The following KIAA1755 variants were observed in gnomAD, a reference collection of about 807,000 sequenced individuals.
KIAA1755 encodes the protein KIAA1755, also known as uncharacterized protein KIAA1755.
KIAA1755 carries 68 observed loss-of-function variants against 91.7 expected under a neutral mutation model. The observed-to-expected ratio is 0.74, with a 90% confidence interval of 0.61 to 0.91. The LOEUF is 0.91. Ranked by LOEUF, KIAA1755 falls within the 40% of genes least tolerant of loss-of-function variation. KIAA1755 has a pLI of 0.00. For synonymous variants in KIAA1755, 610 were observed against 604.6 expected (o/e 1.01, Z -0.13); for missense variants, 1,535 against 1,494.4 (o/e 1.03, Z -0.45).
chr20:38,259,799 G>A (rs986616116), intron 1 of KIAA1755, among the ~76,000 whole-genome samples: 6 of 137,182 alleles, frequency 4.4e-5, no homozygotes, highest in African/African-American at 1.8e-4. Context: ...TGGCACAAAC[G>A]CATCCCTGCC....
At position 38,217,394 on chromosome 20, in the gene KIAA1755, T is replaced by C; in HGVS notation, c.2760A>G (p.Glu920=). 3 of 1,613,508 alleles carry C rather than the reference T, an allele frequency of 1.9e-6. No individual in the cohort carries two copies. The highest frequency in any genetic ancestry group is 2.5e-6 in the Non-Finnish European group (3 of 1,179,810). Residue 920 remains glutamate (E), a synonymous_variant, in exon 13 of 14, where the codon GAA becomes GAG. Transcript: ENST00000279024. ...GATARGAGEA[E]RAEFPELAAF... is the part of the protein sequence containing the mutation. Reference sequence around the variant, plus strand: ...CTGCCAGCTCTGGGAACTCTGCACGTTCTGCCTCCCCAGCCCCTCTGGCTG... The same window carrying C: ...CTGCCAGCTCTGGGAACTCTGCACGCTCTGCCTCCCCAGCCCCTCTGGCTG...
intron 4 of KIAA1755, among the ~76,000 whole-genome samples, chr20:38,234,958 A>G (rs2075932876): frequency 6.6e-6 from 1 of 152,218 alleles, no homozygotes; most frequent in Non-Finnish European, 1.5e-5. Flanking sequence ...TGTGAGCCTC[A>G]GGTGAAAATG....
intron 12 of KIAA1755, 123 bp from the exon 13 acceptor site, chr20:38,217,597 C>T: frequency 3.0e-6 from 2 of 670,822 alleles, no homozygotes; most frequent in Admixed American, 5.3e-5. Flanking sequence ...TCAGTTTCCT[C>T]ATCTGTAGAA....
chr20:38,257,465 C>T (rs1209682388), intron 1 of KIAA1755, among the ~76,000 whole-genome samples: 3 of 151,816 alleles, frequency 2.0e-5, no homozygotes, highest in South Asian at 4.1e-4. Flanking sequence ...CCTATAGTCC[C>T]AGCTACGCAG....
At chr20:38,250,278 C>G (rs1568777333) in intron 1 of KIAA1755, among the ~76,000 whole-genome samples, 1 of 152,124 alleles carries the variant, frequency 6.6e-6, no homozygotes, top group African/African-American at 2.4e-5. Context: ...GTGTACCTGG[C>G]AAGTCAGATT....
chr20:38,239,450 C>T, intron 4 of KIAA1755, 78 bp downstream of exon 4: 2 of 1,342,892 alleles, frequency 1.5e-6, no homozygotes, highest in Non-Finnish European at 2.1e-6. Context: ...CCTGCCTCCC[C>T]TCCACCCAAC....
chr20:38,218,198 C>A, intron 12 of KIAA1755, 46 bp downstream of exon 12: 1 of 1,612,590 alleles, frequency 6.2e-7, no homozygotes, highest in Non-Finnish European at 8.5e-7. Flanking sequence ...CCTCTAACGC[C>A]CTCTCCATCT....
In KIAA1755 at chr20:38,230,715, G is replaced by A. The variant is rs1381825814; in HGVS notation, c.1871+487C>T. Among the ~76,000 whole-genome samples the A allele has an allele frequency of 2.0e-5, 3 of 152,038 alleles. No homozygotes were observed. In the East Asian group the frequency reaches 5.8e-4, roughly 29 times the overall value. On this transcript the variant is annotated intron_variant, in intron 5 of 13. Coordinates refer to ENST00000279024, the MANE Select transcript of KIAA1755 (RefSeq NM_001029864.2). ...ACCAGCCTGACCAACATGGAAAAAT[G>A]CGGTCTCTACTAAAAATACAAAATT...
In KIAA1755 at chr20:38,240,951, C is replaced by T. The variant is rs371537592; in HGVS notation, c.1180G>A (p.Glu394Lys). The T allele has an allele frequency of 2.0e-5, 33 of 1,614,096 alleles. No individual in the cohort carries two copies. The highest frequency in any genetic ancestry group is 4.5e-5 in the East Asian group (2 of 44,882). Residue 394 changes from glutamate (E) to lysine (K), a missense_variant, in exon 3 of 14, where the codon GAG becomes AAG. Transcript: ENST00000279024. The part of the protein sequence containing the change: ...ASGLRAGVSQ[E>K]PAASKMQGPL... ...CCCTGCATCTTGGAGGCAGCTGGCT[C>T]TTGTGAGACACCTGCCCTGAGACCA... is the stretch of plus-strand genomic sequence containing the variant.
chr20:38,246,355 T>C (rs139602397), intron 1 of KIAA1755, among the ~76,000 whole-genome samples: 72 of 152,060 alleles, frequency 4.7e-4, no homozygotes, highest in African/African-American at 1.7e-3. Context: ...CTGTTCCCTC[T>C]GCCTAGAATG....
At chr20:38,242,781 G>A (rs568342384) in intron 2 of KIAA1755, among the ~76,000 whole-genome samples, 2 of 152,130 alleles carry the variant, frequency 1.3e-5, no homozygotes, top group South Asian at 4.2e-4. Context: ...GTTATTCTGG[G>A]CCTGAATGTT....
intron 4 of KIAA1755, among the ~76,000 whole-genome samples, chr20:38,237,366 C>A (rs918192556): frequency 6.6e-6 from 1 of 151,992 alleles, no homozygotes; most frequent in Non-Finnish European, 1.5e-5. Context: ...AATTAGCCTG[C>A]ACAATTGTGT....
At chr20:38,222,624 G>T (rs528455251) in intron 9 of KIAA1755, 27 bp from the exon 10 acceptor site, 24 of 1,607,618 alleles carry the variant, frequency 1.5e-5, no homozygotes, top group Non-Finnish European at 2.0e-5. Context: ...GTGCCCTGAG[G>T]CCCCATCCCC....
intron 4 of KIAA1755, 62 bp from the exon 5 acceptor site, chr20:38,231,387 C>T (rs2075861573): frequency 2.0e-6 from 3 of 1,501,888 alleles, no homozygotes; most frequent in African/African-American, 1.4e-5. Context: ...AGGGACCTCT[C>T]CTGTGGCCTG....
intron 1 of KIAA1755, among the ~76,000 whole-genome samples, chr20:38,248,513 C>A (rs2076194445): frequency 6.6e-6 from 1 of 152,108 alleles, no homozygotes; most frequent in African/African-American, 2.4e-5. Flanking sequence ...TCATTTGCTA[C>A]GGTGGCAACA....
chr20:38,212,877 G>A lies in KIAA1755; in HGVS notation c.*165C>T. 1 of 568,850 alleles carries A rather than the reference G, an allele frequency of 1.8e-6. No individual in the cohort carries two copies. The highest frequency in any genetic ancestry group is 2.8e-5 in the East Asian group (1 of 35,552). The allele number at this position is 568,850 out of a possible 1,614,324, so 35.2% of individuals were successfully genotyped here. A position where few individuals can be genotyped will look rare whatever the true frequency, so the allele number is the denominator to read the frequency against. ...TCGGGTCTTCCAGGAGTTTTCTGGAGCCAGGGGCAGGTCGACAGTTCTCAT... is the reference window on the plus strand; with the variant it reads ...TCGGGTCTTCCAGGAGTTTTCTGGAACCAGGGGCAGGTCGACAGTTCTCAT... On this transcript the variant is annotated 3_prime_UTR_variant, in exon 14 of 14. Transcript: ENST00000279024.
At chr20:38,249,239 G>A (rs1238689807) in intron 1 of KIAA1755, among the ~76,000 whole-genome samples, 1 of 152,126 alleles carries the variant, frequency 6.6e-6, no homozygotes. Flanking sequence ...ACCCAGGTAT[G>A]GTCTTAGGAC....
At chr20:38,247,270 T>G (rs2076175362) in intron 1 of KIAA1755, among the ~76,000 whole-genome samples, 2 of 152,078 alleles carry the variant, frequency 1.3e-5, no homozygotes, top group Non-Finnish European at 2.9e-5. Context: ...CCAGCTCCCC[T>G]GAGATCTGGC....
intron 1 of KIAA1755, among the ~76,000 whole-genome samples, chr20:38,246,786 C>G (rs1438536059): frequency 6.6e-6 from 1 of 152,170 alleles, no homozygotes; most frequent in African/African-American, 2.4e-5. Flanking sequence ...TGGCAACTTC[C>G]CAAACCTGCT....
Sources: gnomAD v4.1 joint callset for allele counts (sites outside exome capture counted in the v4.1 genomes callset) on GRCh38, gnomAD v4.1.1 for gene constraint, MANE v1.5 for transcripts, NCBI Gene and HGNC (gene_info 2026-07-23, HGNC 2026-07-21) for gene names.